The following UNC13C variants were observed in gnomAD, a reference collection of about 807,000 sequenced individuals.
The protein encoded by UNC13C is unc-13 homolog C.
A neutral mutation model predicts 245.4 loss-of-function variants in UNC13C; 174 were observed. That is an observed-to-expected ratio of 0.71 (90% CI 0.63 to 0.80). The LOEUF is 0.80. Among genes scored for constraint, UNC13C ranks in the 30% least tolerant of loss-of-function variants. UNC13C has a pLI of 0.00. For synonymous variants in UNC13C, 992 were observed against 895.1 expected (o/e 1.11, Z -1.93); for missense variants, 2,829 against 2,602.9 (o/e 1.09, Z -1.89).
intron 1 of UNC13C, among the ~76,000 whole-genome samples, chr15:54,005,063 C>T (rs1895075706): frequency 6.6e-6 from 1 of 152,090 alleles, no homozygotes; most frequent in Non-Finnish European, 1.5e-5. Context: ...TTCTGTGACT[C>T]AGGCTTCTTA....
At chr15:54,255,826 C>T (rs2899536) in intron 8 of UNC13C, among the ~76,000 whole-genome samples, 37,933 of 152,046 alleles carry the variant, frequency 0.25, 4,875 homozygotes, top group South Asian at 0.26. Context: ...TCGCTACCAC[C>T]TCTCTCCCAG....
the UNC13C span, among the ~76,000 whole-genome samples, chr15:53,838,082 A>C: frequency 4.6e-5 from 7 of 152,154 alleles, no homozygotes; most frequent in Non-Finnish European, 1.0e-4. Flanking sequence ...AAAGTTCTAT[A>C]AAACTTTTAA....
In UNC13C at chr15:54,103,656, A is replaced by G. The variant is rs915590737; in HGVS notation, c.2984-39362A>G. ...TTTAATTCATTTCTGTGACCCTGTC[A>G]TTATTTTTTTTTCTACCTGTGCCAT... On this transcript the variant is annotated intron_variant, in intron 2 of 32. Coordinates refer to ENST00000260323, the MANE Select transcript of UNC13C (RefSeq NM_001080534.3). Among the ~76,000 whole-genome samples, 10 of 152,052 alleles carry G rather than the reference A, an allele frequency of 6.6e-5. No individual in the cohort carries two copies. The East Asian group carries it at 1.7e-3, about 26-fold the overall frequency.
Position 54,268,696 on chromosome 15 carries a change from A to G in UNC13C, c.3818+3200A>G, listed in dbSNP as rs200080578. ...TTATTCCCCATATAATGAAGGCAAG[A>G]CTCTTCAGCATACTCTTCCTACTAA... On this transcript the variant is annotated intron_variant, in intron 10 of 32. Coordinates refer to ENST00000260323, the MANE Select transcript of UNC13C (RefSeq NM_001080534.3). Among the ~76,000 whole-genome samples the G allele has an allele frequency of 2.0e-4, 30 of 151,844 alleles. No homozygotes were observed. The East Asian group carries it at 4.8e-3, about 25-fold the overall frequency.
intron 18 of UNC13C, among the ~76,000 whole-genome samples, chr15:54,409,742 G>A (rs1339889810): frequency 6.6e-6 from 1 of 152,130 alleles, no homozygotes; most frequent in Non-Finnish European, 1.5e-5. Flanking sequence ...GTATCCTATG[G>A]TACAAATGTC....
intron 19 of UNC13C, among the ~76,000 whole-genome samples, chr15:54,464,986 T>C (rs559465358): frequency 6.6e-6 from 1 of 152,120 alleles, no homozygotes; most frequent in Non-Finnish European, 1.5e-5. Context: ...AACAAATACA[T>C]ACAAATAATA....
At chr15:54,043,015 G>A (rs185862458) in intron 2 of UNC13C, among the ~76,000 whole-genome samples, 9 of 152,132 alleles carry the variant, frequency 5.9e-5, no homozygotes, top group Admixed American at 5.9e-4. Context: ...CATGACTGCT[G>A]CTCTATAAGG....
At chr15:54,390,387 G>A (rs1297808355) in intron 17 of UNC13C, among the ~76,000 whole-genome samples, 1 of 151,890 alleles carries the variant, frequency 6.6e-6, no homozygotes, top group African/African-American at 2.4e-5. Context: ...CATGACCATT[G>A]GAACTTTCTT....
At chr15:53,976,914 C>T (rs927115790), upstream of UNC13C, 3 of 152,148 alleles carry the variant, frequency 2.0e-5, no homozygotes, top group Non-Finnish European at 4.4e-5. Flanking sequence ...AGTGTATTGG[C>T]TAGCATGAGT....
intron 2 of UNC13C, among the ~76,000 whole-genome samples, chr15:54,062,252 G>C (rs1389664667): frequency 6.6e-6 from 1 of 151,496 alleles, no homozygotes; most frequent in African/African-American, 2.4e-5. Flanking sequence ...TTGGGAGGTG[G>C]AGGTTGCAGT....
At chr15:54,600,498 A>C (rs1899351623) in intron 30 of UNC13C, among the ~76,000 whole-genome samples, 1 of 152,072 alleles carries the variant, frequency 6.6e-6, no homozygotes, top group African/African-American at 2.4e-5. Context: ...AGCTAGATTA[A>C]GTTAGATTAT....
chr15:54,552,472 A>G (rs1167865245), intron 28 of UNC13C, among the ~76,000 whole-genome samples: 1 of 1,640 alleles, frequency 6.1e-4, no homozygotes, highest in Non-Finnish European at 8.7e-4. Flanking sequence ...ATATTACAAT[A>G]TATAATATAA....
chr15:53,918,499 G>T, the UNC13C span, among the ~76,000 whole-genome samples: 1 of 152,152 alleles, frequency 6.6e-6, no homozygotes, highest in Non-Finnish European at 1.5e-5. Context: ...TCCCTCAGAC[G>T]CAGCATCAGT....
At chr15:54,095,833 A>C (rs1375002265) in intron 2 of UNC13C, among the ~76,000 whole-genome samples, 1 of 152,208 alleles carries the variant, frequency 6.6e-6, no homozygotes, top group Non-Finnish European at 1.5e-5. Flanking sequence ...CATAGAAAGG[A>C]TTAGTATATA....
At chr15:54,057,267 T>C (rs1041693399) in intron 2 of UNC13C, among the ~76,000 whole-genome samples, 14 of 151,184 alleles carry the variant, frequency 9.3e-5, no homozygotes, top group African/African-American at 3.4e-4. Context: ...TGGAGGAAGA[T>C]CTACCAAGCA....
chr15:53,851,229 A>G, the UNC13C span, among the ~76,000 whole-genome samples: 1 of 151,864 alleles, frequency 6.6e-6, no homozygotes, highest in Non-Finnish European at 1.5e-5. Flanking sequence ...TTATCCAGTT[A>G]TTTTAAATTT....
downstream of UNC13C, chr15:54,629,138 A>C (rs1901383534): frequency 6.6e-6 from 1 of 152,190 alleles, no homozygotes. Flanking sequence ...CTTCACAGTG[A>C]CATGGATGGA....
intron 13 of UNC13C, among the ~76,000 whole-genome samples, chr15:54,313,180 T>C (rs1196713008): frequency 1.3e-5 from 2 of 151,798 alleles, no homozygotes; most frequent in African/African-American, 4.8e-5. Context: ...AGTTTACTGA[T>C]TATAAGTAGA....
intron 17 of UNC13C, among the ~76,000 whole-genome samples, chr15:54,348,024 G>C (rs2038898413): frequency 6.6e-6 from 1 of 152,116 alleles, no homozygotes; most frequent in Non-Finnish European, 1.5e-5. Context: ...TCTAGAACCA[G>C]ATTGTCTAAA....
Sources: gnomAD v4.1 joint callset for allele counts (sites outside exome capture counted in the v4.1 genomes callset) on GRCh38, gnomAD v4.1.1 for gene constraint, MANE v1.5 for transcripts, NCBI Gene and HGNC (gene_info 2026-07-23, HGNC 2026-07-21) for gene names.